The following SLC9C1 variants were observed in gnomAD, a reference collection of about 807,000 sequenced individuals.
SLC9C1 encodes solute carrier family 9 member C1.
SLC9C1 carries 97 observed loss-of-function variants against 140.9 expected under a neutral mutation model. The ratio of observed to expected loss-of-function variants is 0.69; its 90% CI spans 0.58 to 0.82. The LOEUF (loss-of-function observed/expected upper bound fraction) is 0.82. Among genes scored for constraint, SLC9C1 ranks in the 40% least tolerant of loss-of-function variants. SLC9C1 has a pLI of 0.00. For synonymous variants in SLC9C1, 440 were observed against 442.6 expected, an observed-to-expected ratio of 0.99 and a Z score of 0.07; for missense variants, 1,340 against 1,389.3, an observed-to-expected ratio of 0.96 and a Z score of 0.56.
chr3:112,211,166 TAAAAAGAA>T (rs2078192469), intron 15 of SLC9C1, among the ~76,000 whole-genome samples: 2 of 152,210 alleles, frequency 1.3e-5, no homozygotes. Flanking sequence ...CAAAAATTTT[TAAAAAGAA>T]ATTTCATTGT....
chr3:112,241,115 AAG>A (rs1576426022), intron 11 of SLC9C1, among the ~76,000 whole-genome samples: 1 of 152,214 alleles, frequency 6.6e-6, no homozygotes, highest in African/African-American at 2.4e-5. Flanking sequence ...GAATAATTTA[AAG>A]AGTCATATTT....
intron 25 of SLC9C1, 120 bp downstream of exon 25, chr3:112,168,757 G>A: frequency 1.0e-6 from 1 of 955,738 alleles, no homozygotes; most frequent in Non-Finnish European, 1.5e-6. Flanking sequence ...TGGAGTGGTG[G>A]GAAAAGGGAG....
chr3:112,214,385 AC>A (rs1281776421), intron 15 of SLC9C1, among the ~76,000 whole-genome samples: 1 of 152,216 alleles, frequency 6.6e-6, no homozygotes, highest in Non-Finnish European at 1.5e-5. Context: ...AGATAGAGAC[AC>A]GAAAAACCGT....
chr3:112,194,232 G>A (rs2077724490), intron 20 of SLC9C1, among the ~76,000 whole-genome samples: 2 of 152,182 alleles, frequency 1.3e-5, no homozygotes, highest in African/African-American at 4.8e-5. Context: ...GCAGGTGCTT[G>A]TGGTGGCATT....
Position 112,274,933 on chromosome 3 carries a change from CA to C in SLC9C1, c.576del (p.Phe192LeufsTer13). Reference sequence around the variant, plus strand: ...TTTCTTTTACTTTGTAGTCTTTGGTCAAAATCCATAATACTAGTAAATGTAA... The same window carrying C: ...TTTCTTTTACTTTGTAGTCTTTGGTCAAATCCATAATACTAGTAAATGTAA... ...SLITFTSIMD[F>X]DQRLQSKRNH... On this transcript the variant is annotated frameshift_variant, in exon 6 of 29. Transcript: ENST00000305815. LOFTEE classifies it high-confidence loss of function. 1 of 1,565,104 alleles carries C rather than the reference CA, an allele frequency of 6.4e-7. No individual in the cohort carries two copies. Among genetic ancestry groups the C allele is most frequent in the South Asian group, 1.2e-5 (1 of 80,740 alleles).
chr3:112,183,656 A>C (rs1246424728), intron 20 of SLC9C1, among the ~76,000 whole-genome samples: 2 of 132,082 alleles, frequency 1.5e-5, no homozygotes, highest in African/African-American at 6.0e-5. Flanking sequence ...GCATCCAAGC[A>C]GGGTATTCAC....
chr3:112,233,471 TG>T (rs2078890408), intron 12 of SLC9C1, among the ~76,000 whole-genome samples: 1 of 152,194 alleles, frequency 6.6e-6, no homozygotes, highest in Non-Finnish European at 1.5e-5. Flanking sequence ...TTCAAATTTT[TG>T]GTATTTCTTG....
At chr3:112,169,773 G>C (rs1438340937) in intron 23 of SLC9C1, among the ~76,000 whole-genome samples, 1 of 151,942 alleles carries the variant, frequency 6.6e-6, no homozygotes, top group African/African-American at 2.4e-5. Flanking sequence ...TGAAAATCAG[G>C]GCATTTTGAT....
intron 6 of SLC9C1, among the ~76,000 whole-genome samples, chr3:112,272,529 C>T (rs2080104773): frequency 6.6e-6 from 1 of 152,074 alleles, no homozygotes; most frequent in Non-Finnish European, 1.5e-5. Context: ...TCACAATTGT[C>T]AAATGAAATA....
intron 11 of SLC9C1, among the ~76,000 whole-genome samples, chr3:112,243,684 A>G (rs2079197581): frequency 9.1e-6 from 1 of 110,376 alleles, no homozygotes; most frequent in South Asian, 3.4e-4. Context: ...TATATAATTT[A>G]TATGGATTCT....
chr3:112,280,658 TA>T (rs2108347237), intron 3 of SLC9C1, 24 bp downstream of exon 3: 1 of 1,560,306 alleles, frequency 6.4e-7, no homozygotes, highest in Non-Finnish European at 8.6e-7. Context: ...ATAAATAGTG[TA>T]AAATACTCAT....
At chr3:112,195,290 TA>T (rs1026792124) in intron 20 of SLC9C1, among the ~76,000 whole-genome samples, 6 of 152,184 alleles carry the variant, frequency 3.9e-5, no homozygotes, top group African/African-American at 1.4e-4. Context: ...TATTTTGAGG[TA>T]TTTTTTGTAT....
At chr3:112,254,705 T>C (rs1318235608) in intron 10 of SLC9C1, among the ~76,000 whole-genome samples, 2 of 151,988 alleles carry the variant, frequency 1.3e-5, no homozygotes. Flanking sequence ...AATAACCAGC[T>C]AACAACACAA....
chr3:112,257,360 C>A (rs768409856), intron 10 of SLC9C1, among the ~76,000 whole-genome samples: 10 of 151,946 alleles, frequency 6.6e-5, no homozygotes, highest in Non-Finnish European at 1.0e-4. Context: ...ACATTTATAC[C>A]AACAGAGTAG....
chr3:112,245,084 A>C (rs10934145), intron 10 of SLC9C1, among the ~76,000 whole-genome samples: 89,940 of 152,022 alleles, frequency 0.59, 27,126 homozygotes, highest in East Asian at 0.79. Flanking sequence ...CCTTCCTAAT[A>C]AGTCATTCAC....
chr3:112,186,357 G>A (rs1055458200), intron 20 of SLC9C1, among the ~76,000 whole-genome samples: 1 of 151,720 alleles, frequency 6.6e-6, no homozygotes, highest in East Asian at 1.9e-4. Flanking sequence ...AATTTATCTG[G>A]AATTGATTTT....
In SLC9C1 at chr3:112,280,751, T is replaced by C. The variant is rs528974870; in HGVS notation, c.121A>G (p.Ile41Val). 5.7e-5 allele frequency: 92 copies of C among 1,612,044 alleles called. 1 individual carries two copies. In the South Asian group the frequency reaches 9.8e-4, roughly 17 times the overall value. ...AAAAATAATATCACAGGGACAGGAA[T>C]TGGAAAGTCTTCCAAGTGCCGGTTC... ...FLNRHLEDFP[I>V]PVPVILFLLG... The change falls in exon 3 of 29, where the codon ATT becomes GTT. Residue 41 changes from isoleucine to valine, a missense_variant. Coordinates refer to ENST00000305815, the MANE Select transcript of SLC9C1 (RefSeq NM_183061.3).
At chr3:112,166,974 C>G (rs2077151919) in intron 26 of SLC9C1, among the ~76,000 whole-genome samples, 1 of 152,056 alleles carries the variant, frequency 6.6e-6, no homozygotes, top group Non-Finnish European at 1.5e-5. Context: ...GTAATTCCCT[C>G]ATTAACCTTT....
At chr3:112,287,012 A>G in intron 1 of SLC9C1, 134 bp from the exon 2 acceptor site, 1 of 427,934 alleles carries the variant, frequency 2.3e-6, no homozygotes, top group Non-Finnish European at 4.1e-6. Context: ...TCTCCCTTCT[A>G]TGATGCTTTC....
Sources: allele counts gnomAD v4.1 joint callset (sites outside exome capture counted in the v4.1 genomes callset), GRCh38; gene constraint gnomAD v4.1.1; transcripts MANE v1.5; gene names NCBI Gene and HGNC (gene_info 2026-07-23, HGNC 2026-07-21).